Variants in MKX observed in about 807,000 individuals in gnomAD.
MKX encodes the protein mohawk homeobox.
Under a neutral mutation model 36.0 loss-of-function variants are expected in MKX, and 13 were observed. The observed-to-expected ratio is 0.36, with a 90% CI of 0.24 to 0.57. The LOEUF (loss-of-function observed/expected upper bound fraction) is 0.57. Ranked by LOEUF, MKX falls within the 20% of genes least tolerant of loss-of-function variation. The pLI is 0.79. For synonymous variants in MKX, 176 were observed against 178.3 expected (o/e 0.99, Z 0.10); for missense variants, 458 against 456.4 (o/e 1.00, Z -0.03).
chr10:27,711,148 C>G (rs1836843321), intron 5 of MKX, among the ~76,000 whole-genome samples: 1 of 152,164 alleles, frequency 6.6e-6, no homozygotes, highest in Non-Finnish European at 1.5e-5. Flanking sequence ...CTAGAATACC[C>G]TGGAAACAGA....
At chr10:27,688,045 C>A (rs1406215350) in intron 5 of MKX, among the ~76,000 whole-genome samples, 1 of 152,154 alleles carries the variant, frequency 6.6e-6, no homozygotes, top group Admixed American at 6.5e-5. Flanking sequence ...GACTTCTCTG[C>A]ATTTCATCTT....
intron 5 of MKX, among the ~76,000 whole-genome samples, chr10:27,704,186 A>G (rs896478232): frequency 6.6e-6 from 1 of 152,222 alleles, no homozygotes; most frequent in Non-Finnish European, 1.5e-5. Flanking sequence ...AACACTGTTA[A>G]AAGTGACATA....
At position 27,724,165 on chromosome 10, in the gene MKX, C is replaced by A. The variant is rs10829312; in HGVS notation, c.838+10291G>T. Among the ~76,000 whole-genome samples, 1,350 of 151,892 alleles carry A rather than the reference C, an allele frequency of 8.9e-3. 19 individuals carry two copies. The highest frequency in any genetic ancestry group is 0.022 in the East Asian group (113 of 5,172). ...ATTTAAAACAAAAACAACACACACA[C>A]AAAAAAATAAAATTGTGTGTATGTG... On this transcript the variant is annotated intron_variant, in intron 5 of 6. Transcript: ENST00000419761.
chr10:27,713,984 G>A (rs1003389283), intron 5 of MKX, among the ~76,000 whole-genome samples: 6 of 126,584 alleles, frequency 4.7e-5, no homozygotes, highest in Admixed American at 3.1e-4. Context: ...CTCTGTAGGC[G>A]AGTACAGCAA....
At position 27,742,688 on chromosome 10, in the gene MKX, G is replaced by T. The variant is rs1296575874; in HGVS notation, c.188+540C>A. Among the ~76,000 whole-genome samples, 2 of 151,830 alleles carry T rather than the reference G, an allele frequency of 1.3e-5. No individual in the cohort carries two copies. Among genetic ancestry groups the T allele is most frequent in the Admixed American group, 6.5e-5 (1 of 15,272 alleles). ...CGCAGGCCCGGGGCCTCCCCCTCCG[G>T]GTTCGCCGCGGGCCCAGCCGAGCCG... On this transcript the variant is annotated intron_variant, in intron 2 of 6. Transcript: ENST00000419761. The surrounding 1 kb of genome is among the most constrained non-coding windows in gnomAD (Gnocchi z 4.2).
intron 5 of MKX, among the ~76,000 whole-genome samples, chr10:27,728,409 A>T (rs955407834): frequency 5.3e-5 from 8 of 152,250 alleles, no homozygotes; most frequent in Non-Finnish European, 1.2e-4. Context: ...TTCACTGCTC[A>T]AAAAGATCTG....
chr10:27,742,896 C>T lies in MKX; in HGVS notation c.188+332G>A, dbSNP rs1834939772. Among the ~76,000 whole-genome samples the T allele has an allele frequency of 6.6e-6, 1 of 152,194 alleles. No homozygotes were observed. The highest frequency in any genetic ancestry group is 1.5e-5 in the Non-Finnish European group (1 of 68,028). ...CCGAGCTCAGTCCTTTTTCCTCGCC[C>T]TCAGCCGCGCACCGGCACCCACAGT... On this transcript the variant is annotated intron_variant, in intron 2 of 6. Coordinates refer to ENST00000419761, the MANE Select transcript of MKX (RefSeq NM_173576.3). The surrounding 1 kb of genome is among the most constrained non-coding windows in gnomAD (Gnocchi z 4.2).
intron 5 of MKX, among the ~76,000 whole-genome samples, chr10:27,730,464 T>C (rs993050648): frequency 1.3e-5 from 2 of 151,810 alleles, no homozygotes; most frequent in East Asian, 3.9e-4. Context: ...ACTGGCTTTT[T>C]TTTTTTTTTT....
chr10:27,721,393 A>G (rs985446074), intron 5 of MKX, among the ~76,000 whole-genome samples: 1 of 152,226 alleles, frequency 6.6e-6, no homozygotes, highest in Non-Finnish European at 1.5e-5. Flanking sequence ...CATCAATGAT[A>G]GACTGGATAA....
At chr10:27,676,574 C>T (rs756065993) in intron 5 of MKX, among the ~76,000 whole-genome samples, 6 of 151,910 alleles carry the variant, frequency 3.9e-5, no homozygotes, top group Non-Finnish European at 7.4e-5. Context: ...GACAGGGTTT[C>T]ACCATGTTGA....
At chr10:27,695,046 G>A (rs1836529701) in intron 5 of MKX, among the ~76,000 whole-genome samples, 2 of 152,108 alleles carry the variant, frequency 1.3e-5, no homozygotes, top group African/African-American at 4.8e-5. Context: ...AGGGCAGAAT[G>A]GTTTCTCACA....
chr10:27,675,677 G>A (rs544581411), intron 5 of MKX, 123 bp from the exon 6 acceptor site: 416 of 1,031,670 alleles, frequency 4.0e-4, no homozygotes, highest in Middle Eastern at 2.1e-3. Flanking sequence ...AAATTAGTTC[G>A]CTTTTAATAA....
At position 27,719,625 on chromosome 10, in the gene MKX, A is replaced by G. The variant is rs576471508; in HGVS notation, c.838+14831T>C. ...TGCTATGACAAAGTAGTGATAAGAAAAAAAAGATGTTCTTGGAGAATAAAA... is the reference window on the plus strand; with the variant it reads ...TGCTATGACAAAGTAGTGATAAGAAGAAAAAGATGTTCTTGGAGAATAAAA... On this transcript the variant is annotated intron_variant, in intron 5 of 6. Coordinates refer to ENST00000419761, the MANE Select transcript of MKX (RefSeq NM_173576.3). Among the ~76,000 whole-genome samples, 8 of 152,292 alleles carry G rather than the reference A, an allele frequency of 5.3e-5. No individual in the cohort carries two copies. The South Asian group carries it at 1.7e-3, about 32-fold the overall frequency.
At chr10:27,692,394 A>C (rs1477981287) in intron 5 of MKX, among the ~76,000 whole-genome samples, 1 of 152,216 alleles carries the variant, frequency 6.6e-6, no homozygotes, top group African/African-American at 2.4e-5. Flanking sequence ...AAAGGAATTC[A>C]AGATTTTCAT....
chr10:27,694,094 G>T (rs1836503374), intron 5 of MKX, among the ~76,000 whole-genome samples: 1 of 152,124 alleles, frequency 6.6e-6, no homozygotes, highest in Non-Finnish European at 1.5e-5. Flanking sequence ...ACGTGGAACT[G>T]GGAGTCCATT....
intron 5 of MKX, among the ~76,000 whole-genome samples, chr10:27,719,993 AAAG>A (rs1392487813): frequency 4.0e-5 from 6 of 150,746 alleles, no homozygotes; most frequent in African/African-American, 7.3e-5. Flanking sequence ...AAAAAAAAAA[AAAG>A]AGAGAGAGAG....
chr10:27,687,031 G>A (rs1836369265), intron 5 of MKX, among the ~76,000 whole-genome samples: 1 of 150,324 alleles, frequency 6.7e-6, no homozygotes, highest in Non-Finnish European at 1.5e-5. Context: ...TTGAAACGGA[G>A]TCTCGCTCTG....
intron 5 of MKX, among the ~76,000 whole-genome samples, chr10:27,678,805 TG>T (rs1288901132): frequency 1.3e-5 from 2 of 152,198 alleles, no homozygotes; most frequent in African/African-American, 4.8e-5. Context: ...TCCTTGAACT[TG>T]TTCCACTGAG....
chr10:27,698,128 A>G (rs1481011281), intron 5 of MKX, among the ~76,000 whole-genome samples: 3 of 152,164 alleles, frequency 2.0e-5, no homozygotes, highest in Non-Finnish European at 4.4e-5. Context: ...CTCCTCTGGG[A>G]AAGTGTTTGA....
Sources: allele counts gnomAD v4.1 joint callset (sites outside exome capture counted in the v4.1 genomes callset), GRCh38; gene constraint gnomAD v4.1.1; non-coding constraint Gnocchi (gnomAD v3.1); transcripts MANE v1.5; gene names NCBI Gene and HGNC (gene_info 2026-07-23, HGNC 2026-07-21).